FAM169A: variants seen among roughly 807,000 people sequenced by gnomAD.
FAM169A encodes the protein soluble lamin-associated protein of 75 kDa.
In FAM169A, 24 loss-of-function variants were observed where a neutral mutation model predicts 75.7. The ratio of observed to expected loss-of-function variants is 0.32; its 90% CI spans 0.23 to 0.45. The LOEUF is 0.45. Among genes scored for constraint, FAM169A ranks in the 20% least tolerant of loss-of-function variants. The pLI is 1.00. For missense variants in FAM169A, 673 were observed against 784.0 expected (o/e 0.86, Z 1.69); for synonymous variants, 271 against 271.0 (o/e 1.00, Z 0.00).
chr5:74,800,564 TC>T (rs1746520019), intron 10 of FAM169A, among the ~76,000 whole-genome samples: 1 of 151,996 alleles, frequency 6.6e-6, no homozygotes, highest in South Asian at 2.1e-4. Flanking sequence ...TAGCAGCTTC[TC>T]CCAATAGCAT....
chr5:74,850,067 G>A (rs1305639797), intron 1 of FAM169A, among the ~76,000 whole-genome samples: 4 of 152,150 alleles, frequency 2.6e-5, no homozygotes, highest in African/African-American at 9.7e-5. Context: ...TCCGATAGTG[G>A]ACTATGTGCC....
intron 3 of FAM169A, among the ~76,000 whole-genome samples, chr5:74,839,858 T>A (rs1173579144): frequency 6.6e-6 from 1 of 152,110 alleles, no homozygotes; most frequent in South Asian, 2.1e-4. Context: ...TATTATAAAT[T>A]ACCCAGTCTC....
chr5:74,838,878 G>C, intron 4 of FAM169A, 87 bp downstream of exon 4: 1 of 906,988 alleles, frequency 1.1e-6, no homozygotes, highest in Middle Eastern at 2.2e-4. Flanking sequence ...TTTTTAAATG[G>C]GGAAGAGCTC....
At chr5:74,849,437 C>T (rs1749326305) in intron 1 of FAM169A, among the ~76,000 whole-genome samples, 1 of 151,914 alleles carries the variant, frequency 6.6e-6, no homozygotes, top group African/African-American at 2.4e-5. Context: ...TATTTGGGGG[C>T]TTTGTGGAGA....
chr5:74,810,881 G>A (rs1393189042), intron 6 of FAM169A, among the ~76,000 whole-genome samples: 1 of 143,320 alleles, frequency 7.0e-6, no homozygotes, highest in East Asian at 2.0e-4. Context: ...GAGTGCAGTG[G>A]CTCACTACAG....
At position 74,796,147 on chromosome 5, in the gene FAM169A, T is replaced by G; in HGVS notation, c.1143A>C (p.Glu381Asp). 6.2e-7 allele frequency: 1 copy of G among 1,614,128 alleles called. No homozygotes were observed. Among genetic ancestry groups the G allele is most frequent in the Non-Finnish European group, 8.5e-7 (1 of 1,180,000 alleles). Reference sequence around the variant, plus strand: ...TCTGTTCAGGTTCTTCTTCCAGGAATTCTTCTGAGCTCTCTGATGGGCGTG... The same window carrying G: ...TCTGTTCAGGTTCTTCTTCCAGGAAGTCTTCTGAGCTCTCTGATGGGCGTG... The part of the protein sequence containing the change: ...STARPSESSE[E>D]FLEEEPEQRG... Residue 381 changes from glutamate to aspartate, a missense_variant, in exon 11 of 13, where the codon GAA (glutamate) becomes GAC (aspartate). Transcript: ENST00000687041.
intron 6 of FAM169A, among the ~76,000 whole-genome samples, chr5:74,809,285 T>A (rs1009866441): frequency 2.0e-5 from 3 of 152,086 alleles, no homozygotes; most frequent in Non-Finnish European, 4.4e-5. Context: ...ACAACTCATA[T>A]CCAGGATACA....
chr5:74,802,348 T>C (rs1343555024), intron 8 of FAM169A, among the ~76,000 whole-genome samples: 2 of 151,682 alleles, frequency 1.3e-5, no homozygotes, highest in Admixed American at 6.6e-5. Flanking sequence ...GATGACAAAG[T>C]GATACTTTCG....
intron 5 of FAM169A, among the ~76,000 whole-genome samples, chr5:74,816,330 T>G (rs1206891622): frequency 6.6e-6 from 1 of 152,198 alleles, no homozygotes; most frequent in Non-Finnish European, 1.5e-5. Flanking sequence ...TTCAGGCTCC[T>G]TACAAAAGAA....
rs1159201236 is a variant in FAM169A, at chr5:74,866,347, T to C, written c.-186A>G. ...CGGACGCCCGGCTCCTCGTCGCGGG[T>C]CGGCCGCGGCCCACCGTGCCCTCCG... On this transcript the variant is annotated 5_prime_UTR_variant, in exon 1 of 13. Transcript: ENST00000687041. 2 of 983,344 alleles carry C rather than the reference T, an allele frequency of 2.0e-6. No homozygotes were observed. The highest frequency in any genetic ancestry group is 1.2e-4 in the Admixed American group (2 of 16,108). The allele number at this position is 983,344 out of a possible 1,614,324, so 60.9% of individuals were successfully genotyped here. A position where few individuals can be genotyped will look rare whatever the true frequency, so the allele number is the denominator to read the frequency against.
chr5:74,830,310 T>C (rs1748250180), intron 5 of FAM169A, among the ~76,000 whole-genome samples: 2 of 152,172 alleles, frequency 1.3e-5, no homozygotes, highest in South Asian at 4.1e-4. Context: ...ATGTCGAACA[T>C]GATGTGCTCA....
intron 5 of FAM169A, 30 bp downstream of exon 5, chr5:74,834,396 A>G (rs1748466568): frequency 7.3e-7 from 1 of 1,365,644 alleles, no homozygotes; most frequent in Non-Finnish European, 9.7e-7. Context: ...TTTCCATAAT[A>G]CACAGTTTAA....
At chr5:74,788,705 CAAA>C (rs111938760) in intron 11 of FAM169A, among the ~76,000 whole-genome samples, 2 of 106,852 alleles carry the variant, frequency 1.9e-5, no homozygotes. Flanking sequence ...AACTCCATCT[CAAA>C]AAAAAAAAAA....
chr5:74,861,731 C>T (rs985326874), intron 1 of FAM169A, among the ~76,000 whole-genome samples: 1 of 152,094 alleles, frequency 6.6e-6, no homozygotes, highest in Non-Finnish European at 1.5e-5. Flanking sequence ...TGTATGTTAA[C>T]AAAGCAACCA....
rs947655720 is a variant in FAM169A, at chr5:74,778,691, T to C, written c.*2769A>G. The stretch of plus-strand genomic sequence containing the variant: ...TACTAATTTCTGTGATGTCTAGCAA[T>C]TGAATAATTTAAACTTGAAAGAACT... On this transcript the variant is annotated 3_prime_UTR_variant, in exon 13 of 13. Transcript: ENST00000687041. 2.6e-5 allele frequency: 4 copies of C among 152,076 alleles called. No individual in the cohort carries two copies. Among genetic ancestry groups the C allele is most frequent in the African/African-American group, 4.8e-5 (2 of 41,438 alleles). The allele number at this position is 152,076 out of a possible 1,614,324, so 9.4% of individuals were successfully genotyped here. A position where few individuals can be genotyped will look rare whatever the true frequency, so the allele number is the denominator to read the frequency against.
chr5:74,838,439 T>A lies in FAM169A; in HGVS notation c.318+526A>T, dbSNP rs189920004. On this transcript the variant is annotated intron_variant, in intron 4 of 12. Transcript: ENST00000687041. ...TCCAATAACTAGAGCACCAGAGATG[T>A]CTCTTAAACCCTTTCATCTCTAGCA... 2.1e-4 allele frequency among the ~76,000 whole-genome samples: 32 copies of A among 152,310 alleles called. No individual in the cohort carries two copies. In the East Asian group the frequency reaches 4.2e-3, roughly 20 times the overall value.
intron 1 of FAM169A, among the ~76,000 whole-genome samples, chr5:74,862,228 T>C (rs928781567): frequency 2.0e-5 from 3 of 152,228 alleles, no homozygotes; most frequent in Admixed American, 6.5e-5. Context: ...CCCCATTCTG[T>C]TCATTCCTTC....
intron 5 of FAM169A, among the ~76,000 whole-genome samples, chr5:74,814,580 C>T (rs542632308): frequency 1.4e-4 from 22 of 152,058 alleles, no homozygotes; most frequent in African/African-American, 3.6e-4. Context: ...TAAATTGGGG[C>T]GAATTGGAAA....
chr5:74,789,694 G>A (rs1019767469), intron 11 of FAM169A, among the ~76,000 whole-genome samples: 5 of 152,202 alleles, frequency 3.3e-5, no homozygotes, highest in Admixed American at 6.5e-5. Flanking sequence ...GAATCACAGC[G>A]GAGGCCTCTA....
Sources: allele counts gnomAD v4.1 joint callset (sites outside exome capture counted in the v4.1 genomes callset), GRCh38; gene constraint gnomAD v4.1.1; transcripts MANE v1.5; gene names NCBI Gene and HGNC (gene_info 2026-07-23, HGNC 2026-07-21).